CCNY: variants seen among roughly 807,000 people sequenced by gnomAD.
CCNY encodes cyclin Y.
CCNY carries 19 observed loss-of-function variants against 42.8 expected under a neutral mutation model. The observed-to-expected ratio is 0.44, with a 90% CI of 0.31 to 0.65. The LOEUF is 0.65. CCNY is among the 30% of genes least tolerant of loss of function. The pLI, the probability that CCNY is intolerant of heterozygous loss-of-function variation, is 0.07. For synonymous variants in CCNY, 165 were observed against 162.7 expected (o/e 1.01, Z -0.11); for missense variants, 370 against 437.3 (o/e 0.85, Z 1.37).
At chr10:35,419,551 C>G (rs376282654) in intron 1 of CCNY, among the ~76,000 whole-genome samples, 3 of 127,886 alleles carry the variant, frequency 2.3e-5, no homozygotes, top group African/African-American at 1.1e-4. Flanking sequence ...TTTTTTTTAG[C>G]AATCTGGAGG....
chr10:35,382,344 A>AG (rs1277512128), intron 1 of CCNY, among the ~76,000 whole-genome samples: 1 of 152,140 alleles, frequency 6.6e-6, no homozygotes, highest in Non-Finnish European at 1.5e-5. Flanking sequence ...CAGAGGCAAG[A>AG]GCTCCTGCCG....
rs528504714 is a variant in CCNY, at chr10:35,397,755, G to A, written c.154+60548G>A. Among the ~76,000 whole-genome samples the A allele has an allele frequency of 2.0e-5, 3 of 152,298 alleles. No homozygotes were observed. The East Asian group carries it at 5.8e-4, about 29-fold the overall frequency. On this transcript the variant is annotated intron_variant, in intron 1 of 9. Coordinates refer to ENST00000374704, the MANE Select transcript of CCNY (RefSeq NM_145012.6). ...GAATTATGGAGCTCTATCAGAAATGGCCCCAGCTGTGTGTGGGCTGCTGCA... is the reference window on the plus strand; with the variant it reads ...GAATTATGGAGCTCTATCAGAAATGACCCCAGCTGTGTGTGGGCTGCTGCA...
At chr10:35,263,041 A>G (rs572252243) in intron 3 of CCNY, among the ~76,000 whole-genome samples, 1 of 152,054 alleles carries the variant, frequency 6.6e-6, no homozygotes, top group African/African-American at 2.4e-5. Context: ...GAGCAATATA[A>G]TGAGACCCTG....
intron 1 of CCNY, among the ~76,000 whole-genome samples, chr10:35,421,159 C>T (rs1838151850): frequency 6.6e-6 from 1 of 152,162 alleles, no homozygotes; most frequent in Non-Finnish European, 1.5e-5. Context: ...TTGGACAGGC[C>T]GCTTCTGGAG....
chr10:35,482,751 TGTGTGTGTGTG>T (rs1311085283), intron 1 of CCNY, among the ~76,000 whole-genome samples: 1 of 42,740 alleles, frequency 2.3e-5, no homozygotes, highest in African/African-American at 2.1e-4. Flanking sequence ...TGGAAATAGG[TGTGTGTGTGTG>T]TGTGTGTGTG....
In CCNY at chr10:35,553,015, C is replaced by G; in HGVS notation, c.580-4C>G. ...TTAGCTCTGGCATTGTCTTGTCTTC[C>G]CAGGTGTACCTTGAAAGACTTTTAA... On this transcript the variant is annotated splice_polypyrimidine_tract_variant and splice_region_variant and intron_variant, in intron 7 of 9. Coordinates refer to ENST00000374704, the MANE Select transcript of CCNY (RefSeq NM_145012.6). The G allele has an allele frequency of 6.2e-7, 1 of 1,612,868 alleles. No individual in the cohort carries two copies. Among genetic ancestry groups the G allele is most frequent in the Non-Finnish European group, 8.5e-7 (1 of 1,179,024 alleles).
In CCNY at chr10:35,420,173, A is replaced by C. The variant is rs549743360; in HGVS notation, c.155-63231A>C. Among the ~76,000 whole-genome samples the C allele has an allele frequency of 4.6e-5, 7 of 152,300 alleles. No homozygotes were observed. In the South Asian group the frequency reaches 1.5e-3, roughly 32 times the overall value. ...TTCAAGAAGTTTTCATTAAGCTGCT[A>C]ATTTCCTAAAGAAATCTGGATCATG... is the stretch of plus-strand genomic sequence containing the variant. On this transcript the variant is annotated intron_variant, in intron 1 of 9. Coordinates refer to ENST00000374704, the MANE Select transcript of CCNY (RefSeq NM_145012.6).
rs1840115677 is a variant in CCNY, at chr10:35,501,774, A to G, written c.264+239A>G. On this transcript the variant is annotated intron_variant, in intron 3 of 9. Transcript: ENST00000374704. The stretch of plus-strand genomic sequence containing the variant: ...TATTGTTCATGAGATGATGTGTGTG[A>G]ACAATAACATATCAAACATCACCCA... 3 of 430,858 alleles carry G rather than the reference A, an allele frequency of 7.0e-6. No individual in the cohort carries two copies. The South Asian group carries it at 1.9e-4, about 27-fold the overall frequency. 26.7% of individuals were successfully genotyped at this position (430,858 alleles called of 1,614,324 possible).
intron 1 of CCNY, among the ~76,000 whole-genome samples, chr10:35,391,562 A>G (rs1284870412): frequency 2.0e-5 from 3 of 152,196 alleles, no homozygotes; most frequent in African/African-American, 7.2e-5. Context: ...TAAAATGGAG[A>G]ATCAAAGAAT....
intron 3 of CCNY, among the ~76,000 whole-genome samples, chr10:35,312,327 G>A (rs948000408): frequency 2.1e-5 from 3 of 142,990 alleles, no homozygotes; most frequent in Non-Finnish European, 4.5e-5. Flanking sequence ...CTTGCAGTGA[G>A]CCGAGATTGC....
At chr10:35,418,571 A>G (rs1357461374) in intron 1 of CCNY, among the ~76,000 whole-genome samples, 1 of 152,120 alleles carries the variant, frequency 6.6e-6, no homozygotes, top group East Asian at 1.9e-4. Context: ...GGTGCCCCAT[A>G]ACAATGATAA....
intron 3 of CCNY, among the ~76,000 whole-genome samples, chr10:35,323,218 C>T (rs1051740178): frequency 3.3e-5 from 5 of 152,136 alleles, no homozygotes; most frequent in African/African-American, 9.7e-5. Context: ...CATGAGCCAC[C>T]GCACTCGGCT....
intron 3 of CCNY, among the ~76,000 whole-genome samples, chr10:35,294,037 A>G (rs979418203): frequency 6.6e-6 from 1 of 152,142 alleles, no homozygotes; most frequent in Non-Finnish European, 1.5e-5. Context: ...TGATCTGCCC[A>G]TCCCAGCCTG....
intron 3 of CCNY, among the ~76,000 whole-genome samples, chr10:35,264,268 G>A (rs2052242844): frequency 6.6e-6 from 1 of 151,980 alleles, no homozygotes; most frequent in African/African-American, 2.4e-5. Context: ...TTAAGTTTTA[G>A]GGTACATGTG....
At chr10:35,284,453 G>T (rs915992483) in intron 3 of CCNY, among the ~76,000 whole-genome samples, 9 of 152,156 alleles carry the variant, frequency 5.9e-5, no homozygotes, top group African/African-American at 2.2e-4. Context: ...GCCTTTTAAT[G>T]TCTGTGGGAT....
At chr10:35,355,678 C>CGA (rs1836531321) in intron 1 of CCNY, among the ~76,000 whole-genome samples, 2 of 57,416 alleles carry the variant, frequency 3.5e-5, no homozygotes, top group Non-Finnish European at 5.6e-5. Context: ...ATACTGTCTC[C>CGA]AAAAAAAAAA....
chr10:35,259,507 T>C (rs1195900760), intron 3 of CCNY, among the ~76,000 whole-genome samples: 1 of 135,382 alleles, frequency 7.4e-6, no homozygotes, highest in Non-Finnish European at 1.6e-5. Context: ...TTTTTTTTTT[T>C]TTTTTTTTTT....
At chr10:35,500,668 A>G (rs763984300) in intron 2 of CCNY, among the ~76,000 whole-genome samples, 13 of 152,220 alleles carry the variant, frequency 8.5e-5, no homozygotes, top group Non-Finnish European at 1.8e-4. Flanking sequence ...GTACCCACAA[A>G]ATGAGCCTTC....
At chr10:35,451,049 T>A (rs1485281569) in intron 1 of CCNY, among the ~76,000 whole-genome samples, 1 of 152,256 alleles carries the variant, frequency 6.6e-6, no homozygotes, top group Non-Finnish European at 1.5e-5. Context: ...ATCTATTTAT[T>A]GTACCTTTAA....
Sources: gnomAD v4.1 joint callset for allele counts (sites outside exome capture counted in the v4.1 genomes callset) on GRCh38, gnomAD v4.1.1 for gene constraint, MANE v1.5 for transcripts, NCBI Gene and HGNC (gene_info 2026-07-23, HGNC 2026-07-21) for gene names.